ANP32B: variants seen among roughly 807,000 people sequenced by gnomAD.
ANP32B encodes acidic nuclear phosphoprotein 32 family member B.
Under a neutral mutation model 32.2 loss-of-function variants are expected in ANP32B, and 6 were observed. The observed-to-expected ratio is 0.19, with a 90% CI of 0.10 to 0.37. ANP32B has a LOEUF of 0.37. ANP32B is among the 10% of genes least tolerant of loss of function. The pLI is 1.00. For missense variants in ANP32B, 204 were observed against 289.2 expected, an observed-to-expected ratio of 0.71 and a Z score of 2.14; for synonymous variants, 98 against 105.8, an observed-to-expected ratio of 0.93 and a Z score of 0.45.
At chr9:97,985,358 C>T (rs944065607) in intron 1 of ANP32B, among the ~76,000 whole-genome samples, 6 of 152,210 alleles carry the variant, frequency 3.9e-5, no homozygotes, top group Non-Finnish European at 8.8e-5. Context: ...CGGCGCTGTC[C>T]TTCCCGGAGG....
In ANP32B at chr9:98,015,346, A is replaced by G. The variant is rs1250067840; in HGVS notation, c.689-18A>G. Reference sequence around the variant, plus strand: ...ATGCCTTTCCACTGTCCTAAAGTCAATTTTTGTTACTGTACAGAGGAGGAA... The same window carrying G: ...ATGCCTTTCCACTGTCCTAAAGTCAGTTTTTGTTACTGTACAGAGGAGGAA... On this transcript the variant is annotated intron_variant, in intron 6 of 6. Transcript: ENST00000339399. 4.1e-5 allele frequency: 63 copies of G among 1,550,430 alleles called. No homozygotes were observed. Among genetic ancestry groups the G allele is most frequent in the Non-Finnish European group, 5.3e-5 (61 of 1,146,516 alleles).
At chr9:97,998,418 A>T in intron 2 of ANP32B, 138 bp from the exon 3 acceptor site, 1 of 861,552 alleles carries the variant, frequency 1.2e-6, no homozygotes, top group Non-Finnish European at 1.6e-6. Flanking sequence ...CAAAATGAAC[A>T]TGCATGCCCT....
intron 3 of ANP32B, among the ~76,000 whole-genome samples, chr9:97,999,765 G>T (rs1423406156): frequency 1.3e-5 from 2 of 152,186 alleles, no homozygotes; most frequent in African/African-American, 4.8e-5. Context: ...AGTTGTAGTG[G>T]CCAGAAAAGG....
chr9:97,983,602 C>T lies in ANP32B; in HGVS notation c.47C>T (p.Pro16Leu), dbSNP rs866732118. ...RIHLELRNRT[P>L]AAVRELVLDN... ...CACCTGGAGCTGAGGAACCGGACCC[C>T]GGCAGCTGTAAGCAGAGACCCCTCT... Residue 16 changes from proline (P) to leucine (L), a missense_variant, in exon 1 of 7, where the codon CCG becomes CTG. Pro to Leu is a moderately conservative substitution (Grantham distance 98). Transcript: ENST00000339399. The T allele has an allele frequency of 1.3e-6, 2 of 1,580,346 alleles. No homozygotes were observed. The highest frequency in any genetic ancestry group is 1.8e-5 in the Admixed American group (1 of 55,760).
chr9:97,985,553 A>T (rs1827711834), intron 1 of ANP32B, among the ~76,000 whole-genome samples: 1 of 152,242 alleles, frequency 6.6e-6, no homozygotes, highest in African/African-American at 2.4e-5. Context: ...ATTGCGGCGT[A>T]ATTGCAAATC....
chr9:98,000,498 C>T (rs999806104), intron 3 of ANP32B, among the ~76,000 whole-genome samples: 3 of 152,152 alleles, frequency 2.0e-5, no homozygotes, highest in African/African-American at 7.2e-5. Flanking sequence ...CATCCAAGGA[C>T]ATGAACATTT....
Position 98,005,050 on chromosome 9 carries a change from C to G in ANP32B, c.414C>G (p.Leu138=). The G allele has an allele frequency of 6.2e-7, 1 of 1,614,016 alleles. No individual in the cohort carries two copies. The highest frequency in any genetic ancestry group is 8.5e-7 in the Non-Finnish European group (1 of 1,180,004). Residue 138 remains leucine, a synonymous_variant, in exon 4 of 7, where the codon CTC becomes CTG. Coordinates refer to ENST00000339399, the MANE Select transcript of ANP32B (RefSeq NM_006401.3). ...LNDYRESVFK[L]LPQLTYLDGY... is the part of the protein sequence containing the mutation. ...ACTACCGAGAGAGTGTCTTCAAGCT[C>G]CTGCCCCAGCTTACCTACTTGGATG...
At chr9:98,012,722 G>T (rs1057062684) in intron 6 of ANP32B, among the ~76,000 whole-genome samples, 3 of 151,944 alleles carry the variant, frequency 2.0e-5, no homozygotes, top group Admixed American at 1.3e-4. Context: ...GTTTTTTTCG[G>T]GGTGGTGGTG....
chr9:98,012,566 A>G, intron 6 of ANP32B, 94 bp downstream of exon 6: 1 of 1,539,444 alleles, frequency 6.5e-7, no homozygotes, highest in Non-Finnish European at 8.8e-7. Context: ...AAGAAAATAA[A>G]ATACTCTTGG....
chr9:97,994,126 G>C (rs1205051142), intron 1 of ANP32B, among the ~76,000 whole-genome samples: 1 of 152,184 alleles, frequency 6.6e-6, no homozygotes, highest in Non-Finnish European at 1.5e-5. Context: ...TCTTGGCAAA[G>C]ATTACTAAAA....
intron 3 of ANP32B, among the ~76,000 whole-genome samples, chr9:97,999,951 A>G (rs1442205386): frequency 6.6e-6 from 1 of 152,196 alleles, no homozygotes; most frequent in Non-Finnish European, 1.5e-5. Flanking sequence ...ATGTCAGAGT[A>G]TATTAAAATA....
chr9:97,996,945 G>A lies in ANP32B; in HGVS notation c.205-1611G>A, dbSNP rs111746415. Among the ~76,000 whole-genome samples, 310 of 152,228 alleles carry A rather than the reference G, an allele frequency of 2.0e-3. 1 individual carries two copies. Among genetic ancestry groups the A allele is most frequent in the African/African-American group, 6.8e-3 (284 of 41,550 alleles). ...AAATAAGTACTGAAAAAAAATTGAT[G>A]TGTAAATGTCACAAATTTTCTAAAT... On this transcript the variant is annotated intron_variant, in intron 2 of 6. Coordinates refer to ENST00000339399, the MANE Select transcript of ANP32B (RefSeq NM_006401.3).
chr9:97,987,556 C>G (rs1564135161), intron 1 of ANP32B: 1 of 152,182 alleles, frequency 6.6e-6, no homozygotes, highest in Non-Finnish European at 1.5e-5. Flanking sequence ...TTCCAGTAAA[C>G]TGAACATGTC....
At chr9:98,007,866 T>C in intron 4 of ANP32B, among the ~76,000 whole-genome samples, 1 of 152,210 alleles carries the variant, frequency 6.6e-6, no homozygotes, top group East Asian at 1.9e-4. Flanking sequence ...CAGAGAATAC[T>C]TCTCTTACAC....
chr9:98,001,294 C>A (rs1827987698), intron 3 of ANP32B, among the ~76,000 whole-genome samples: 1 of 151,772 alleles, frequency 6.6e-6, no homozygotes, highest in Non-Finnish European at 1.5e-5. Flanking sequence ...TGGGTTCACG[C>A]CATTCTCCTG....
chr9:98,010,768 G>C (rs1828169556), intron 4 of ANP32B, among the ~76,000 whole-genome samples: 1 of 152,046 alleles, frequency 6.6e-6, no homozygotes, highest in African/African-American at 2.4e-5. Context: ...GGGTTATTAT[G>C]GGTGTTTCTC....
At chr9:98,007,391 A>G (rs1828104292) in intron 4 of ANP32B, among the ~76,000 whole-genome samples, 1 of 152,240 alleles carries the variant, frequency 6.6e-6, no homozygotes, top group Non-Finnish European at 1.5e-5. Flanking sequence ...ATATTGAGGC[A>G]TAGTTGTTAG....
intron 1 of ANP32B, among the ~76,000 whole-genome samples, chr9:97,989,745 G>T (rs1467388759): frequency 6.6e-6 from 1 of 152,148 alleles, no homozygotes; most frequent in Non-Finnish European, 1.5e-5. Context: ...TCCTTTGCAA[G>T]GCAGTCTAGA....
chr9:97,984,204 A>T (rs1212887061), intron 1 of ANP32B, among the ~76,000 whole-genome samples: 2 of 148,286 alleles, frequency 1.3e-5, no homozygotes, highest in Non-Finnish European at 3.0e-5. Flanking sequence ...GGGCGCCTGG[A>T]GGCCTGGGCG....
Sources: gnomAD v4.1 joint callset for allele counts (sites outside exome capture counted in the v4.1 genomes callset) on GRCh38, gnomAD v4.1.1 for gene constraint, MANE v1.5 for transcripts, NCBI Gene and HGNC (gene_info 2026-07-23, HGNC 2026-07-21) for gene names.